Variants in FANCA observed in about 807,000 individuals in gnomAD.
The protein encoded by FANCA is FA complementation group A, also known as Fanconi anemia group A protein.
In FANCA, 236 loss-of-function variants were observed where a neutral mutation model predicts 194.3. The observed-to-expected ratio is 1.21, with a 90% CI of 1.09 to 1.35. The LOEUF is 1.35. Ranked by LOEUF, FANCA falls within the 40% of genes most tolerant of loss-of-function variation. The pLI is 0.00. For missense variants in FANCA, 2,628 were observed against 1,813.9 expected (o/e 1.45, Z -8.15); for synonymous variants, 1,014 against 715.8 (o/e 1.42, Z -6.65).
chr16:89,775,618 G>A lies in FANCA; in HGVS notation c.1900+124C>T, dbSNP rs1258832408. 3.9e-6 allele frequency: 3 copies of A among 760,660 alleles called. No homozygotes were observed. In the East Asian group the frequency reaches 8.3e-5, roughly 21 times the overall value. 47.1% of individuals were successfully genotyped at this position (760,660 alleles called of 1,614,324 possible). On this transcript the variant is annotated intron_variant, in intron 21 of 42. Coordinates refer to ENST00000389301, the MANE Select transcript of FANCA (RefSeq NM_000135.4). ...ATGGTGGGCGGACCCTGTACCCAAA[G>A]CACCGGCTTGAGCTGGCACAGCCAC...
intron 33 of FANCA, among the ~76,000 whole-genome samples, chr16:89,747,959 CTGGAG>C (rs1423693022): frequency 6.6e-6 from 1 of 152,174 alleles, no homozygotes; most frequent in African/African-American, 2.4e-5. Context: ...GTCACCCAGG[CTGGAG>C]TGTAGTGGTG....
At chr16:89,770,751 A>C in intron 23 of FANCA, 117 bp from the exon 24 acceptor site, 1 of 891,164 alleles carries the variant, frequency 1.1e-6, no homozygotes, top group Non-Finnish European at 1.8e-6. Context: ...AGACCTCCAA[A>C]ACAGGCTTGT....
At chr16:89,787,799 T>C (rs1390384915) in intron 14 of FANCA, among the ~76,000 whole-genome samples, 1 of 152,076 alleles carries the variant, frequency 6.6e-6, no homozygotes, top group Admixed American at 6.6e-5. Context: ...ATGCTGAGAA[T>C]TATATTAATT....
intron 8 of FANCA, among the ~76,000 whole-genome samples, chr16:89,800,303 T>C (rs535825985): frequency 8.5e-5 from 13 of 152,208 alleles, no homozygotes; most frequent in Non-Finnish European, 1.3e-4. Context: ...GAAGGTACCA[T>C]TGTCCATTTC....
intron 30 of FANCA, 92 bp from the exon 31 acceptor site, chr16:89,752,314 C>G: frequency 1.0e-6 from 1 of 993,948 alleles, no homozygotes; most frequent in Non-Finnish European, 1.6e-6. Context: ...TGAGTGATGG[C>G]TGTGCTTCTC....
chr16:89,765,068 T>A lies in FANCA; in HGVS notation c.2602-2A>T, dbSNP rs1555545592. The A allele has an allele frequency of 1.2e-6, 2 of 1,614,012 alleles. No individual in the cohort carries two copies. Among genetic ancestry groups the A allele is most frequent in the East Asian group, 2.2e-5 (1 of 44,886 alleles). On this transcript the variant is annotated splice_acceptor_variant, in intron 27 of 42. Transcript: ENST00000389301. LOFTEE classifies it high-confidence loss of function. ...CAATCTGAACATGAGGAACTGAAAC[T>A]GAAACAGAGAGTGACCCGGCCGTTT...
At chr16:89,813,163 C>A (rs1462281648) in intron 3 of FANCA, among the ~76,000 whole-genome samples, 2 of 151,870 alleles carry the variant, frequency 1.3e-5, no homozygotes, top group African/African-American at 4.8e-5. Context: ...GCCTGCAATC[C>A]CAACACCTTG....
At position 89,739,919 on chromosome 16, in the gene FANCA, C is replaced by T. The variant is rs772301375; in HGVS notation, c.3934+75G>A. 1.8e-5 allele frequency: 29 copies of T among 1,596,734 alleles called. 1 individual carries two copies. In the Middle Eastern group the frequency reaches 8.4e-4, roughly 46 times the overall value. On this transcript the variant is annotated intron_variant, in intron 39 of 42. Coordinates refer to ENST00000389301, the MANE Select transcript of FANCA (RefSeq NM_000135.4). ...TTAGCAAGGAACCTCAAGGAGGGCT[C>T]GTTCTTAACCATTTGCAAGATGCCT... is the stretch of plus-strand genomic sequence containing the variant.
intron 36 of FANCA, among the ~76,000 whole-genome samples, chr16:89,743,680 A>C (rs991553738): frequency 4.0e-5 from 6 of 151,552 alleles, no homozygotes; most frequent in Non-Finnish European, 7.4e-5. Flanking sequence ...AAAATTAGCC[A>C]GGCATGGTGG....
intron 23 of FANCA, among the ~76,000 whole-genome samples, 155 bp downstream of exon 23, chr16:89,771,523 G>A (rs945201037): frequency 6.6e-6 from 1 of 152,140 alleles, no homozygotes; most frequent in Non-Finnish European, 1.5e-5. Context: ...TGTGGCAGCT[G>A]ACCCTGGTAC....
At chr16:89,749,062 A>G (rs1471064872) in intron 32 of FANCA, among the ~76,000 whole-genome samples, 1 of 152,242 alleles carries the variant, frequency 6.6e-6, no homozygotes, top group Non-Finnish European at 1.5e-5. Flanking sequence ...ATGACGCACC[A>G]GTCTGTCTAG....
chr16:89,770,780 T>C (rs897920901), intron 23 of FANCA, 146 bp from the exon 24 acceptor site: 6 of 700,884 alleles, frequency 8.6e-6, no homozygotes, highest in African/African-American at 7.1e-5. Context: ...CATGTTACAA[T>C]GCAAACTGGT....
At chr16:89,746,376 G>A (rs1235321229) in intron 35 of FANCA, among the ~76,000 whole-genome samples, 45 of 152,208 alleles carry the variant, frequency 3.0e-4, no homozygotes, top group Admixed American at 2.9e-3. Context: ...TGACGGCGGT[G>A]GGGGCAGGGA....
Position 89,793,039 on chromosome 16 carries a change from G to A in FANCA, c.1007-492C>T, listed in dbSNP as rs371570053. ...TGGAACATGAAGGTGGACTAGGAGCGTGACCACTGAAGCACAGCATCACAG... is the reference window on the plus strand; with the variant it reads ...TGGAACATGAAGGTGGACTAGGAGCATGACCACTGAAGCACAGCATCACAG... On this transcript the variant is annotated intron_variant, in intron 11 of 42. Coordinates refer to ENST00000389301, the MANE Select transcript of FANCA (RefSeq NM_000135.4). Among the ~76,000 whole-genome samples the A allele has an allele frequency of 2.6e-3, 398 of 152,316 alleles. 1 individual carries two copies. Among genetic ancestry groups the A allele is most frequent in the African/African-American group, 8.9e-3 (371 of 41,570 alleles).
At chr16:89,782,546 C>G (rs534141754) in intron 17 of FANCA, among the ~76,000 whole-genome samples, 3 of 151,900 alleles carry the variant, frequency 2.0e-5, no homozygotes, top group Non-Finnish European at 4.4e-5. Flanking sequence ...TTCTGTGATT[C>G]AGAGAAAAAC....
At chr16:89,794,484 T>G (rs553269298) in intron 11 of FANCA, among the ~76,000 whole-genome samples, 2 of 152,152 alleles carry the variant, frequency 1.3e-5, no homozygotes, top group African/African-American at 4.8e-5. Context: ...TGCAGTGAGC[T>G]GAGATCGCAC....
intron 24 of FANCA, 61 bp downstream of exon 24, chr16:89,770,503 G>C (rs2039286290): frequency 6.8e-7 from 1 of 1,476,168 alleles, no homozygotes; most frequent in African/African-American, 1.4e-5. Flanking sequence ...TGCAGACTTG[G>C]CCCAGCAAGA....
At chr16:89,743,946 G>T (rs1203202493) in intron 36 of FANCA, among the ~76,000 whole-genome samples, 2 of 152,076 alleles carry the variant, frequency 1.3e-5, no homozygotes, top group Non-Finnish European at 2.9e-5. Context: ...TGCCCATGCT[G>T]GACTACAATG....
chr16:89,752,092 G>A (rs748996566), intron 31 of FANCA, 46 bp downstream of exon 31: 1 of 1,539,276 alleles, frequency 6.5e-7, no homozygotes, highest in East Asian at 2.2e-5. Flanking sequence ...ATAGCACGCG[G>A]CTTAAATGAA....
Sources: gnomAD v4.1 joint callset for allele counts (sites outside exome capture counted in the v4.1 genomes callset) on GRCh38, gnomAD v4.1.1 for gene constraint, MANE v1.5 for transcripts, NCBI Gene and HGNC (gene_info 2026-07-23, HGNC 2026-07-21) for gene names.